Variants in ABLIM1 observed in about 807,000 individuals in gnomAD.
The protein encoded by ABLIM1 is actin binding LIM protein 1, also known as actin-binding LIM protein 1.
In ABLIM1, 40 loss-of-function variants were observed where a neutral mutation model predicts 107.0. The observed-to-expected ratio is 0.37, with a 90% CI of 0.29 to 0.49. The LOEUF (loss-of-function observed/expected upper bound fraction) is 0.49, where lower values mean the gene tolerates loss of function less well. Among genes scored for constraint, ABLIM1 ranks in the 20% least tolerant of loss-of-function variants. ABLIM1 has a pLI of 0.97. For missense variants in ABLIM1, 857 were observed against 1,008.5 expected, an observed-to-expected ratio of 0.85 and a Z score of 2.04; for synonymous variants, 357 against 357.3, an observed-to-expected ratio of 1.00 and a Z score of 0.01.
At chr10:114,510,227 T>A (rs2061665661) in intron 6 of ABLIM1, among the ~76,000 whole-genome samples, 1 of 152,094 alleles carries the variant, frequency 6.6e-6, no homozygotes, top group Non-Finnish European at 1.5e-5. Context: ...ATCAACAGGG[T>A]AGTTTTAAAA....
chr10:114,699,367 T>A (rs2081262228), intron 1 of ABLIM1, among the ~76,000 whole-genome samples: 3 of 152,198 alleles, frequency 2.0e-5, no homozygotes, highest in African/African-American at 7.2e-5. Context: ...AATATTTGCA[T>A]AATTTTAATG....
At chr10:114,564,224 A>G (rs2070298218) in intron 4 of ABLIM1, among the ~76,000 whole-genome samples, 1 of 151,742 alleles carries the variant, frequency 6.6e-6, no homozygotes, top group Non-Finnish European at 1.5e-5. Context: ...AAGACACACA[A>G]TAACAAAGCC....
At chr10:114,601,700 T>A (rs2076018982) in intron 2 of ABLIM1, 127 bp downstream of exon 2, 2 of 1,445,952 alleles carry the variant, frequency 1.4e-6, no homozygotes, top group Non-Finnish European at 1.9e-6. Context: ...CAGTAAATGA[T>A]GTCAGGGCTT....
Position 114,651,855 on chromosome 10 carries a change from C to T in ABLIM1, c.244+6102G>A, listed in dbSNP as rs185622491. Among the ~76,000 whole-genome samples, 13 of 152,238 alleles carry T rather than the reference C, an allele frequency of 8.5e-5. No homozygotes were observed. In the East Asian group the frequency reaches 1.4e-3, roughly 16 times the overall value. On this transcript the variant is annotated intron_variant, in intron 1 of 22. Transcript: ENST00000533213. ...CTGCTGTTTGGGGGGAACCATATCC[C>T]ATCAACAAACCGGATGAGGCCCTGG...
chr10:114,523,293 G>C (rs552804560), intron 6 of ABLIM1, among the ~76,000 whole-genome samples: 4 of 152,218 alleles, frequency 2.6e-5, no homozygotes, highest in African/African-American at 9.6e-5. Flanking sequence ...CCAATTTCAA[G>C]ACATCTGCCC....
At chr10:114,641,578 G>A (rs1035837785) in intron 1 of ABLIM1, among the ~76,000 whole-genome samples, 1 of 152,224 alleles carries the variant, frequency 6.6e-6, no homozygotes, top group Non-Finnish European at 1.5e-5. Flanking sequence ...GACAGAGACT[G>A]CTAGGGGGAG....
chr10:114,503,461 A>G (rs534960995), intron 6 of ABLIM1, among the ~76,000 whole-genome samples: 35 of 152,062 alleles, frequency 2.3e-4, no homozygotes, highest in African/African-American at 7.2e-4. Flanking sequence ...AAAAAGAAAA[A>G]AAATTGGTTT....
rs1170780729 is a variant in ABLIM1, at chr10:114,569,749, G to A, written c.673+1548C>T. 2.0e-5 allele frequency among the ~76,000 whole-genome samples: 3 copies of A among 152,190 alleles called. No individual in the cohort carries two copies. The East Asian group carries it at 5.8e-4, about 29-fold the overall frequency. ...CTGTATCTCTTGTGTTTGGGGCAGGGTAGCAAGAATGGTGAAGGAGTTGAA... is the reference window on the plus strand; with the variant it reads ...CTGTATCTCTTGTGTTTGGGGCAGGATAGCAAGAATGGTGAAGGAGTTGAA... On this transcript the variant is annotated intron_variant, in intron 4 of 22. Transcript: ENST00000533213.
In ABLIM1 at chr10:114,751,748, CAAA is replaced by C. The variant is rs34322728; in HGVS notation, c.-213+16310_-213+16312del. ...CTGGTGAAAGAGTCAGACTCTGTCT[CAAA>C]AAAAAAAAAAAAGGAAAGAAAAAAA... On this transcript the variant is annotated intron_variant, in intron 1 of 15. Coordinates refer to the ABLIM1 transcript ENST00000651092. Among the ~76,000 whole-genome samples the C allele has an allele frequency of 9.1e-4, 108 of 118,314 alleles. 3 individuals are homozygous for C. The South Asian group carries it at 0.024, about 27-fold the overall frequency. 77.6% of individuals were successfully genotyped at this position (118,314 alleles called of 152,430 possible). A position where few individuals can be genotyped will look rare whatever the true frequency, so the allele number is the denominator to read the frequency against.
chr10:114,786,991 G>T, the ABLIM1 span, among the ~76,000 whole-genome samples: 3 of 148,186 alleles, frequency 2.0e-5, no homozygotes, highest in Admixed American at 6.7e-5. Flanking sequence ...CTGCCTGGCT[G>T]CCCAGTCTGG....
chr10:114,454,572 C>A (rs1307468529), intron 12 of ABLIM1, among the ~76,000 whole-genome samples: 1 of 152,110 alleles, frequency 6.6e-6, no homozygotes. Flanking sequence ...GGGACCAGGG[C>A]AGAAAAGAGA....
intron 1 of ABLIM1, among the ~76,000 whole-genome samples, chr10:114,730,065 T>C (rs1220429030): frequency 6.6e-6 from 1 of 152,164 alleles, no homozygotes; most frequent in East Asian, 1.9e-4. Context: ...ATGTAGAATA[T>C]AAGTAGCTGG....
intron 6 of ABLIM1, among the ~76,000 whole-genome samples, chr10:114,522,790 C>T (rs766138439): frequency 6.6e-6 from 1 of 152,200 alleles, no homozygotes; most frequent in Non-Finnish European, 1.5e-5. Context: ...AAGGCTGCAC[C>T]TTAAGCCTCT....
chr10:114,505,477 G>GA (rs2135768268), intron 6 of ABLIM1, among the ~76,000 whole-genome samples: 1 of 152,294 alleles, frequency 6.6e-6, no homozygotes, highest in Admixed American at 6.5e-5. Context: ...TGCTCTGAGG[G>GA]AATCAGTTCT....
chr10:114,511,942 C>T (rs2061931908), intron 6 of ABLIM1, among the ~76,000 whole-genome samples: 1 of 152,208 alleles, frequency 6.6e-6, no homozygotes, highest in Admixed American at 6.5e-5. Flanking sequence ...ATCACTTTCT[C>T]ATCAACAAAC....
chr10:114,742,452 C>T (rs2082306514), intron 1 of ABLIM1, among the ~76,000 whole-genome samples: 1 of 152,104 alleles, frequency 6.6e-6, no homozygotes, highest in African/African-American at 2.4e-5. Flanking sequence ...AGTTCATTTC[C>T]AACAATTTAT....
intron 6 of ABLIM1, among the ~76,000 whole-genome samples, chr10:114,492,857 T>C (rs1469529055): frequency 3.3e-5 from 5 of 152,172 alleles, no homozygotes; most frequent in Admixed American, 3.3e-4. Context: ...GGTAATTCCT[T>C]TCTCATACTT....
At chr10:114,522,766 G>T (rs182564092) in intron 6 of ABLIM1, among the ~76,000 whole-genome samples, 181 of 152,276 alleles carry the variant, frequency 1.2e-3, no homozygotes, top group African/African-American at 4.0e-3. Context: ...TTTGATGAAG[G>T]TCCCCTCCCG....
At chr10:114,603,654 A>G (rs1249320534) in intron 1 of ABLIM1, among the ~76,000 whole-genome samples, 4 of 151,336 alleles carry the variant, frequency 2.6e-5, no homozygotes, top group Non-Finnish European at 5.9e-5. Context: ...AAAAAAAAGA[A>G]GAAGAAAAGT....
Sources: gnomAD v4.1 joint callset for allele counts (sites outside exome capture counted in the v4.1 genomes callset) on GRCh38, gnomAD v4.1.1 for gene constraint, MANE v1.5 for transcripts, NCBI Gene and HGNC (gene_info 2026-07-23, HGNC 2026-07-21) for gene names.